Variants in CHLSN observed in about 807,000 individuals in gnomAD.
CHLSN encodes protein cholesin.
At chr7:1,035,920 G>A in the CHLSN span, among the ~76,000 whole-genome samples, 1 of 152,194 alleles carries the variant, frequency 6.6e-6, no homozygotes, top group East Asian at 1.9e-4. Flanking sequence ...GATAACTGTA[G>A]TCCATCCAGA....
At chr7:999,060 A>G in the CHLSN span, among the ~76,000 whole-genome samples, 7 of 152,330 alleles carry the variant, frequency 4.6e-5, no homozygotes, top group Non-Finnish European at 7.3e-5. Context: ...GTTTAATTAC[A>G]ATAGTGTAAG....
At chr7:1,016,261 A>C in the CHLSN span, among the ~76,000 whole-genome samples, 6 of 54,596 alleles carry the variant, frequency 1.1e-4, no homozygotes, top group African/African-American at 7.9e-4. Context: ...GCACGCCAGC[A>C]CACAGCAGCG....
chr7:1,135,916 T>C, the CHLSN span, among the ~76,000 whole-genome samples: 2 of 125,612 alleles, frequency 1.6e-5, no homozygotes, highest in African/African-American at 6.7e-5. Flanking sequence ...TAAAAATATA[T>C]ATAAGTATAT....
At chr7:997,743 C>T in the CHLSN span, 45 of 1,611,074 alleles carry the variant, frequency 2.8e-5, 1 homozygote, top group Admixed American at 3.4e-5. Context: ...CGTCAGCTCT[C>T]GGGCCCGGCC....
the CHLSN span, chr7:984,319 C>T: frequency 1.4e-6 from 2 of 1,470,388 alleles, no homozygotes; most frequent in Non-Finnish European, 1.8e-6. Context: ...TCCCTCTGTC[C>T]CCACCCCTAC....
chr7:1,083,825 C>T, the CHLSN span, among the ~76,000 whole-genome samples: 1 of 152,180 alleles, frequency 6.6e-6, no homozygotes, highest in African/African-American at 2.4e-5. Flanking sequence ...CAGTGCCAGG[C>T]GACACAGCAG....
At chr7:1,015,888 A>G in the CHLSN span, among the ~76,000 whole-genome samples, 45 of 152,200 alleles carry the variant, frequency 3.0e-4, no homozygotes, top group Non-Finnish European at 7.4e-5. Flanking sequence ...CCCCTCTGTG[A>G]GCAATGCCCA....
At chr7:1,059,942 C>CTTAGTGAGG in the CHLSN span, among the ~76,000 whole-genome samples, 1 of 60,808 alleles carries the variant, frequency 1.6e-5, no homozygotes, top group Non-Finnish European at 3.1e-5. Context: ...TGGGGCGGGT[C>CTTAGTGAGG]CGTAATGAGG....
chr7:1,054,101 G>C, the CHLSN span, among the ~76,000 whole-genome samples: 3 of 152,204 alleles, frequency 2.0e-5, no homozygotes, highest in South Asian at 2.1e-4. Flanking sequence ...GAGCTCCTCG[G>C]CTTTAGGAAC....
chr7:987,571 G>C, the CHLSN span: 1 of 1,469,026 alleles, frequency 6.8e-7, no homozygotes, highest in South Asian at 1.3e-5. Flanking sequence ...TCTCCTCTGG[G>C]GTAGGCCTCG....
chr7:1,079,276 T>C, the CHLSN span, among the ~76,000 whole-genome samples: 1 of 152,256 alleles, frequency 6.6e-6, no homozygotes, highest in Admixed American at 6.5e-5. Context: ...ACAGCCATCC[T>C]GGGTCCCCAG....
chr7:1,095,743 G>A, the CHLSN span, among the ~76,000 whole-genome samples: 1 of 152,218 alleles, frequency 6.6e-6, no homozygotes, highest in Non-Finnish European at 1.5e-5. Context: ...TTAAATGGTG[G>A]GTGACACAGC....
chr7:1,068,956 T>C, the CHLSN span, among the ~76,000 whole-genome samples: 3 of 152,086 alleles, frequency 2.0e-5, no homozygotes, highest in Admixed American at 1.3e-4. Context: ...GGGGCCTGCG[T>C]ACTGGGGGAT....
the CHLSN span, chr7:984,625 A>C: frequency 6.6e-7 from 1 of 1,518,780 alleles, no homozygotes; most frequent in South Asian, 1.2e-5. Context: ...GGGCACCTGG[A>C]CCCCAGGAGG....
At chr7:1,042,395 C>A in the CHLSN span, among the ~76,000 whole-genome samples, 1 of 152,252 alleles carries the variant, frequency 6.6e-6, no homozygotes, top group Non-Finnish European at 1.5e-5. Flanking sequence ...CGCCCCCCTA[C>A]GCCCCAATCT....
At chr7:982,275 C>T in the CHLSN span, among the ~76,000 whole-genome samples, 5 of 152,232 alleles carry the variant, frequency 3.3e-5, no homozygotes, top group Non-Finnish European at 7.3e-5. Context: ...GGGACCAACC[C>T]GGGAGGGGTG....
chr7:1,133,930 C>T, the CHLSN span, among the ~76,000 whole-genome samples: 28,481 of 151,902 alleles, frequency 0.19, 2,867 homozygotes, highest in Non-Finnish European at 0.19. Context: ...ACTCAGCCTC[C>T]GGAGTAGCTG....
chr7:1,099,510 T>A, the CHLSN span, among the ~76,000 whole-genome samples: 2 of 152,286 alleles, frequency 1.3e-5, no homozygotes, highest in Non-Finnish European at 2.9e-5. Flanking sequence ...CTCTTCTCGC[T>A]CACCGCCTGG....
chr7:1,087,354 A>G, the CHLSN span: 1 of 152,240 alleles, frequency 6.6e-6, no homozygotes, highest in Non-Finnish European at 1.5e-5. Context: ...TTGGGACCGG[A>G]AGAGTTTCGG....
Sources: allele counts gnomAD v4.1 joint callset (sites outside exome capture counted in the v4.1 genomes callset), GRCh38; gene constraint gnomAD v4.1.1; transcripts MANE v1.5; gene names NCBI Gene and HGNC (gene_info 2026-07-23, HGNC 2026-07-21).